Variants in AKAP19 observed in about 807,000 individuals in gnomAD.
AKAP19 encodes the protein A-kinase anchoring protein 19.
the AKAP19 span, among the ~76,000 whole-genome samples, chr2:190,105,629 G>T: frequency 1.3e-5 from 2 of 152,038 alleles, no homozygotes; most frequent in African/African-American, 4.8e-5. Flanking sequence ...TGATTTCTTT[G>T]CTTCTTTACC....
the AKAP19 span, among the ~76,000 whole-genome samples, chr2:189,993,122 T>C: frequency 3.3e-5 from 5 of 152,248 alleles, no homozygotes; most frequent in Non-Finnish European, 7.3e-5. Flanking sequence ...CTTTCAACTT[T>C]TCCCTGTTCA....
At chr2:189,967,846 T>G in the AKAP19 span, among the ~76,000 whole-genome samples, 2 of 147,012 alleles carry the variant, frequency 1.4e-5, no homozygotes, top group Admixed American at 6.7e-5. Flanking sequence ...AAAATAAAAA[T>G]TTGAAATTAA....
chr2:189,976,869 G>A, the AKAP19 span, among the ~76,000 whole-genome samples: 37 of 152,290 alleles, frequency 2.4e-4, no homozygotes, highest in African/African-American at 4.8e-4. Context: ...TCCCGGTGCC[G>A]TCTGTCACAG....
At chr2:189,923,798 AG>A in the AKAP19 span, 1 of 1,612,234 alleles carries the variant, frequency 6.2e-7, no homozygotes, top group Admixed American at 1.7e-5. Context: ...CACTTCACAA[AG>A]GGGCATAAGT....
chr2:189,940,235 C>T, the AKAP19 span, among the ~76,000 whole-genome samples: 182 of 148,716 alleles, frequency 1.2e-3, 2 homozygotes, highest in Non-Finnish European at 1.7e-3. Context: ...GCCGAGATTG[C>T]GCCACTGCAC....
chr2:190,039,322 A>C, the AKAP19 span, among the ~76,000 whole-genome samples: 1 of 152,046 alleles, frequency 6.6e-6, no homozygotes, highest in African/African-American at 2.4e-5. Context: ...CAGGTGATCC[A>C]CTGGCCTCGG....
the AKAP19 span, among the ~76,000 whole-genome samples, chr2:189,963,694 T>C: frequency 6.6e-6 from 1 of 152,216 alleles, no homozygotes; most frequent in Non-Finnish European, 1.5e-5. Flanking sequence ...GAATAGGAGG[T>C]TGTCAGTTTA....
the AKAP19 span, among the ~76,000 whole-genome samples, chr2:189,988,331 A>C: frequency 6.6e-6 from 1 of 152,192 alleles, no homozygotes; most frequent in African/African-American, 2.4e-5. Flanking sequence ...GGAAGTTGCA[A>C]ATCTTATGAC....
the AKAP19 span, among the ~76,000 whole-genome samples, chr2:189,936,970 CA>C: frequency 6.6e-6 from 1 of 151,804 alleles, no homozygotes. Flanking sequence ...TGTCAGTGCA[CA>C]GAAAATAAAA....
chr2:190,100,651 G>T, the AKAP19 span, among the ~76,000 whole-genome samples: 3 of 152,158 alleles, frequency 2.0e-5, no homozygotes, highest in Admixed American at 2.0e-4. Flanking sequence ...GTGAAGGAAG[G>T]ATTATAAACC....
chr2:190,055,595 G>A, the AKAP19 span: 1 of 152,156 alleles, frequency 6.6e-6, no homozygotes, highest in Admixed American at 6.5e-5. Flanking sequence ...AACCGGAGTA[G>A]CAGACCTAAA....
chr2:190,062,288 A>G, the AKAP19 span: 3 of 1,613,292 alleles, frequency 1.9e-6, no homozygotes, highest in Non-Finnish European at 2.5e-6. Flanking sequence ...CCAAAGAGCC[A>G]TCGCTGCTGT....
At chr2:189,950,032 T>TTTG in the AKAP19 span, among the ~76,000 whole-genome samples, 1 of 141,704 alleles carries the variant, frequency 7.1e-6, no homozygotes, top group Non-Finnish European at 1.5e-5. Context: ...TTTTGGGTTT[T>TTTG]TTTTTTTTTT....
At chr2:190,074,314 A>C in the AKAP19 span, among the ~76,000 whole-genome samples, 2 of 152,198 alleles carry the variant, frequency 1.3e-5, no homozygotes, top group Admixed American at 1.3e-4. Context: ...AAACATTTTA[A>C]GGTGAAATAA....
At chr2:189,953,577 T>C in the AKAP19 span, among the ~76,000 whole-genome samples, 1 of 141,592 alleles carries the variant, frequency 7.1e-6, no homozygotes, top group African/African-American at 2.8e-5. Context: ...GAAGTTGCAG[T>C]GAGCCCAGAT....
At chr2:189,907,062 A>C in the AKAP19 span, among the ~76,000 whole-genome samples, 4 of 152,098 alleles carry the variant, frequency 2.6e-5, no homozygotes, top group African/African-American at 9.7e-5. Flanking sequence ...TGACCCCTTA[A>C]TTCCACTTTT....
the AKAP19 span, among the ~76,000 whole-genome samples, chr2:190,167,111 C>T: frequency 6.6e-6 from 1 of 152,154 alleles, no homozygotes; most frequent in Non-Finnish European, 1.5e-5. Flanking sequence ...ATACCCAAGA[C>T]AGGACAATTG....
At chr2:190,155,055 T>A in the AKAP19 span, among the ~76,000 whole-genome samples, 1 of 152,224 alleles carries the variant, frequency 6.6e-6, no homozygotes. Context: ...GGATGGCTAT[T>A]CAGTGTTAGC....
chr2:190,054,321 C>T, the AKAP19 span, among the ~76,000 whole-genome samples: 1 of 152,012 alleles, frequency 6.6e-6, no homozygotes, highest in Non-Finnish European at 1.5e-5. Context: ...CTTCCTTACA[C>T]CTTATACAAA....
Sources: gnomAD v4.1 joint callset for allele counts (sites outside exome capture counted in the v4.1 genomes callset) on GRCh38, gnomAD v4.1.1 for gene constraint, MANE v1.5 for transcripts, NCBI Gene and HGNC (gene_info 2026-07-23, HGNC 2026-07-21) for gene names.